Variants in KCNH1 observed in about 807,000 individuals in gnomAD.
KCNH1 encodes the protein voltage-gated delayed rectifier potassium channel KCNH1.
Under a neutral mutation model 69.2 loss-of-function variants are expected in KCNH1, and 27 were observed. The observed-to-expected ratio is 0.39, with a 90% CI of 0.29 to 0.54. The LOEUF (loss-of-function observed/expected upper bound fraction) is 0.54, where lower values mean the gene tolerates loss of function less well. KCNH1 is among the 20% of genes least tolerant of loss of function. KCNH1 has a pLI of 0.68. For synonymous variants in KCNH1, 456 were observed against 487.7 expected (o/e 0.93, Z 0.86); for missense variants, 798 against 1,261.6 (o/e 0.63, Z 5.57).
chr1:210,957,608 T>C (rs996313090), intron 6 of KCNH1, among the ~76,000 whole-genome samples: 4 of 152,220 alleles, frequency 2.6e-5, no homozygotes, highest in African/African-American at 9.6e-5. Context: ...CTGTATTCAA[T>C]GCATATATAT....
intron 7 of KCNH1, among the ~76,000 whole-genome samples, chr1:210,914,024 A>G (rs1221554895): frequency 6.6e-6 from 1 of 152,164 alleles, no homozygotes; most frequent in African/African-American, 2.4e-5. Context: ...TGGGATCCCA[A>G]TATGAAAGTC....
intron 3 of KCNH1, among the ~76,000 whole-genome samples, chr1:211,095,822 A>G (rs1346905192): frequency 6.6e-6 from 1 of 152,202 alleles, no homozygotes; most frequent in Non-Finnish European, 1.5e-5. Context: ...AGAGAGGATG[A>G]GACAGCACCA....
At chr1:210,869,875 T>A (rs1251959976) in intron 7 of KCNH1, among the ~76,000 whole-genome samples, 1 of 152,126 alleles carries the variant, frequency 6.6e-6, no homozygotes, top group African/African-American at 2.4e-5. Flanking sequence ...GTTCTTTGCC[T>A]GGCTTGTGCA....
At chr1:210,807,255 C>T (rs769369710) in intron 7 of KCNH1, among the ~76,000 whole-genome samples, 32 of 152,012 alleles carry the variant, frequency 2.1e-4, no homozygotes, top group Non-Finnish European at 3.8e-4. Flanking sequence ...TTTATGGTCA[C>T]GCTTCCCTCA....
intron 6 of KCNH1, among the ~76,000 whole-genome samples, chr1:210,953,787 C>G (rs544691437): frequency 3.9e-5 from 6 of 152,320 alleles, no homozygotes; most frequent in African/African-American, 1.4e-4. Context: ...CGATCTCTTA[C>G]TTCTACTCTG....
chr1:211,029,014 A>G (rs1005742881), intron 5 of KCNH1, among the ~76,000 whole-genome samples: 2 of 151,976 alleles, frequency 1.3e-5, no homozygotes, highest in African/African-American at 4.8e-5. Flanking sequence ...CTTAACAAAT[A>G]GTAGCAAACA....
chr1:211,034,252 A>C (rs1171440298), intron 5 of KCNH1, among the ~76,000 whole-genome samples: 1 of 152,226 alleles, frequency 6.6e-6, no homozygotes, highest in Non-Finnish European at 1.5e-5. Flanking sequence ...TCTACTCAGC[A>C]ATAAAAATAT....
intron 5 of KCNH1, among the ~76,000 whole-genome samples, chr1:211,071,756 G>A (rs1028393323): frequency 6.6e-6 from 1 of 152,022 alleles, no homozygotes; most frequent in African/African-American, 2.4e-5. Context: ...TGTTTTTCAA[G>A]TCATTGTAAA....
intron 1 of KCNH1, among the ~76,000 whole-genome samples, chr1:211,111,767 C>T (rs1318515772): frequency 7.3e-6 from 1 of 137,032 alleles, no homozygotes; most frequent in African/African-American, 2.8e-5. Flanking sequence ...TGGCTGCCCA[C>T]CATCTGGGAA....
intron 5 of KCNH1, among the ~76,000 whole-genome samples, chr1:211,019,512 C>T (rs556583065): frequency 6.6e-6 from 1 of 152,358 alleles, no homozygotes; most frequent in African/African-American, 2.4e-5. Flanking sequence ...TATTCTATTA[C>T]ACCTTTGTGT....
chr1:210,732,629 G>A (rs1025183386), intron 10 of KCNH1, among the ~76,000 whole-genome samples: 7 of 152,172 alleles, frequency 4.6e-5, no homozygotes, highest in Non-Finnish European at 5.9e-5. Flanking sequence ...CTTAGACTGG[G>A]TAATTTATAA....
At chr1:210,997,669 A>G (rs956785817) in intron 6 of KCNH1, among the ~76,000 whole-genome samples, 23 of 152,312 alleles carry the variant, frequency 1.5e-4, no homozygotes, top group Middle Eastern at 3.4e-3. Flanking sequence ...GAATGCCACA[A>G]AGATACTCCT....
intron 7 of KCNH1, among the ~76,000 whole-genome samples, chr1:210,863,812 T>A (rs1686036868): frequency 1.3e-5 from 2 of 152,214 alleles, no homozygotes; most frequent in South Asian, 4.1e-4. Flanking sequence ...CTAAACTTGT[T>A]CACCCTCTGT....
At chr1:211,027,800 A>G (rs1689711957) in intron 5 of KCNH1, among the ~76,000 whole-genome samples, 1 of 152,124 alleles carries the variant, frequency 6.6e-6, no homozygotes, top group South Asian at 2.1e-4. Context: ...TATATGTACC[A>G]AACAAGAACT....
intron 5 of KCNH1, among the ~76,000 whole-genome samples, chr1:211,063,979 T>A (rs1690483062): frequency 6.6e-6 from 1 of 152,124 alleles, no homozygotes; most frequent in African/African-American, 2.4e-5. Context: ...GTACCCATAA[T>A]AATTAAAAAT....
At chr1:210,701,148 AG>A (rs1287632842) in intron 10 of KCNH1, among the ~76,000 whole-genome samples, 3 of 152,112 alleles carry the variant, frequency 2.0e-5, no homozygotes, top group Non-Finnish European at 4.4e-5. Flanking sequence ...TGTGTTGGCC[AG>A]GATGGTCTCG....
intron 5 of KCNH1, 115 bp downstream of exon 5, chr1:211,082,665 C>T (rs887798452): frequency 2.3e-5 from 18 of 780,488 alleles, no homozygotes; most frequent in South Asian, 6.6e-5. Flanking sequence ...CCAAGACAGG[C>T]GTCTGGGGGT....
chr1:211,093,856 C>G (rs781292027), intron 3 of KCNH1, among the ~76,000 whole-genome samples: 1 of 152,136 alleles, frequency 6.6e-6, no homozygotes, highest in Non-Finnish European at 1.5e-5. Flanking sequence ...TTGGCCCCTT[C>G]TCTGCTTTGC....
chr1:211,119,315 G>A (rs1460659999), intron 1 of KCNH1, among the ~76,000 whole-genome samples: 1 of 152,092 alleles, frequency 6.6e-6, no homozygotes, highest in South Asian at 2.1e-4. Flanking sequence ...AGCCAAGATC[G>A]TGCCACCACA....
Sources: gnomAD v4.1 joint callset for allele counts (sites outside exome capture counted in the v4.1 genomes callset) on GRCh38, gnomAD v4.1.1 for gene constraint, MANE v1.5 for transcripts, NCBI Gene and HGNC (gene_info 2026-07-23, HGNC 2026-07-21) for gene names.